The following NDUFA10 variants were observed in gnomAD, a reference collection of about 807,000 sequenced individuals.
NDUFA10 encodes NADH:ubiquinone oxidoreductase subunit A10.
In NDUFA10, 40 loss-of-function variants were observed where a neutral mutation model predicts 47.8. The observed-to-expected ratio is 0.84, with a 90% CI of 0.65 to 1.09. The LOEUF (loss-of-function observed/expected upper bound fraction) is 1.09, where lower values mean the gene tolerates loss of function less well. Among genes scored for constraint, NDUFA10 ranks in the 50% least tolerant of loss-of-function variants. The pLI is 0.00. For missense variants in NDUFA10, 413 were observed against 451.1 expected (o/e 0.92, Z 0.76); for synonymous variants, 183 against 172.2 (o/e 1.06, Z -0.49).
At chr2:239,961,952 G>A (rs7593187) in intron 9 of NDUFA10, among the ~76,000 whole-genome samples, 5,315 of 152,254 alleles carry the variant, frequency 0.035, 154 homozygotes, top group African/African-American at 0.068. Flanking sequence ...GCGGTCCACA[G>A]AGGCCAACCT....
chr2:239,922,872 C>T (rs916147446), intron 4 of NDUFA10, among the ~76,000 whole-genome samples: 9 of 152,118 alleles, frequency 5.9e-5, no homozygotes, highest in African/African-American at 2.2e-4. Flanking sequence ...CACACCTTTG[C>T]GAAGTAGAAA....
intron 4 of NDUFA10, among the ~76,000 whole-genome samples, chr2:239,895,741 C>T (rs962067806): frequency 2.6e-5 from 4 of 152,222 alleles, no homozygotes; most frequent in African/African-American, 9.6e-5. Context: ...TATTTTGTAG[C>T]TCACATATGT....
intron 8 of NDUFA10, among the ~76,000 whole-genome samples, chr2:239,996,040 C>T (rs12328143): frequency 0.13 from 19,695 of 151,872 alleles, 1,329 homozygotes; most frequent in East Asian, 0.24. Flanking sequence ...AGAGAAAATC[C>T]GTAAGGAGAC....
At chr2:239,894,045 C>G (rs147036352) in intron 5 of NDUFA10, among the ~76,000 whole-genome samples, 4 of 141,514 alleles carry the variant, frequency 2.8e-5, no homozygotes, top group Non-Finnish European at 3.1e-5. Flanking sequence ...ATCCTCAACT[C>G]CATCATCCCA....
chr2:240,025,164 T>TAC, intron 1 of NDUFA10, 63 bp downstream of exon 1: 6 of 594,914 alleles, frequency 1.0e-5, no homozygotes, highest in East Asian at 3.4e-5. Flanking sequence ...GTGGAACTGC[T>TAC]CCCCACCCCG....
At chr2:239,948,914 AGAG>A (rs1260525194) in intron 4 of NDUFA10, among the ~76,000 whole-genome samples, 2 of 152,248 alleles carry the variant, frequency 1.3e-5, no homozygotes, top group African/African-American at 4.8e-5. Context: ...GGAGTCCAGA[AGAG>A]AAGGCTCTCT....
chr2:239,932,430 C>T (rs750383937), intron 4 of NDUFA10, among the ~76,000 whole-genome samples: 7 of 152,346 alleles, frequency 4.6e-5, no homozygotes, highest in East Asian at 1.9e-4. Flanking sequence ...AACATTTCTG[C>T]GCTTTTCCAT....
At chr2:239,964,788 A>C (rs1694995162) in intron 9 of NDUFA10, among the ~76,000 whole-genome samples, 1 of 152,196 alleles carries the variant, frequency 6.6e-6, no homozygotes, top group Non-Finnish European at 1.5e-5. Flanking sequence ...TCCACATCTG[A>C]GAGGTGGTCC....
Position 239,945,218 on chromosome 2 carries a change from G to A in NDUFA10, c.294+44856C>T, listed in dbSNP as rs185346318. On this transcript the variant is annotated intron_variant, in intron 4 of 5. Coordinates refer to the NDUFA10 transcript ENST00000419408. The surrounding 1 kb of genome is among the most constrained non-coding windows in gnomAD (Gnocchi z 4.6). The stretch of plus-strand genomic sequence containing the variant: ...GCCACTTCTCAGGTCACCGGCAGGC[G>A]TTGAGCAGGCCGCTCTGCAGACGCT... Among the ~76,000 whole-genome samples, 16 of 152,314 alleles carry A rather than the reference G, an allele frequency of 1.1e-4. No individual in the cohort carries two copies. The highest frequency in any genetic ancestry group is 7.2e-4 in the Admixed American group (11 of 15,312).
At chr2:240,022,541 A>G (rs1697668791) in intron 1 of NDUFA10, among the ~76,000 whole-genome samples, 1 of 151,868 alleles carries the variant, frequency 6.6e-6, no homozygotes, top group Non-Finnish European at 1.5e-5. Context: ...AGGCAGATAT[A>G]CTGTCTGTTT....
intron 4 of NDUFA10, among the ~76,000 whole-genome samples, chr2:239,950,407 TCCA>T (rs1232244082): frequency 6.6e-6 from 1 of 152,164 alleles, no homozygotes; most frequent in African/African-American, 2.4e-5. Context: ...ACGGCTCCAG[TCCA>T]CCAAGCTGCC....
intron 8 of NDUFA10, among the ~76,000 whole-genome samples, chr2:240,002,467 T>C (rs1696766575): frequency 6.6e-6 from 1 of 152,210 alleles, no homozygotes; most frequent in African/African-American, 2.4e-5. Context: ...TACTTTTAGA[T>C]TAACACCATT....
rs987950528 is a variant in NDUFA10 at position 239,945,812 on chromosome 2, C to A, written c.294+44262G>T. Reference sequence around the variant, plus strand: ...TGCAGAGTGGACCACTCCAGACCCCCCTGAAGGCCGTCCCCAGGCTTCAAG... The same window carrying A: ...TGCAGAGTGGACCACTCCAGACCCCACTGAAGGCCGTCCCCAGGCTTCAAG... On this transcript the variant is annotated intron_variant, in intron 4 of 5. Coordinates refer to the NDUFA10 transcript ENST00000419408. The surrounding 1 kb of genome is among the most constrained non-coding windows in gnomAD (Gnocchi z 4.6). 1.3e-5 allele frequency among the ~76,000 whole-genome samples: 2 copies of A among 149,000 alleles called. No individual in the cohort carries two copies. Among genetic ancestry groups the A allele is most frequent in the African/African-American group, 5.0e-5 (2 of 40,288 alleles).
At chr2:239,940,279 TTGCCA>T (rs1349778374) in intron 4 of NDUFA10, among the ~76,000 whole-genome samples, 2 of 152,246 alleles carry the variant, frequency 1.3e-5, no homozygotes, top group African/African-American at 4.8e-5. Flanking sequence ...CCGGGCCAGT[TTGCCA>T]GCCCTGAGCT....
intron 4 of NDUFA10, among the ~76,000 whole-genome samples, chr2:239,933,470 A>C (rs1008933604): frequency 4.6e-5 from 7 of 151,728 alleles, no homozygotes; most frequent in African/African-American, 1.5e-4. Flanking sequence ...CCACTGCTGT[A>C]GGCTGGGACA....
chr2:240,005,664 A>T (rs1194083263), intron 7 of NDUFA10, among the ~76,000 whole-genome samples: 1 of 152,180 alleles, frequency 6.6e-6, no homozygotes, highest in East Asian at 1.9e-4. Flanking sequence ...GCCAAGAGGT[A>T]ACATTTTAAT....
rs1049907494 is a variant in NDUFA10, at chr2:239,987,718, G to A, written c.999+2356C>T. ...ATGCAGGCGCAGCGCCCAGGGAAGG[G>A]GTGGGCAGCCGTGGGGCGAATGCGC... On this transcript the variant is annotated intron_variant, in intron 9 of 9. Coordinates refer to ENST00000252711, the MANE Select transcript of NDUFA10 (RefSeq NM_004544.4). This position sits in a 1 kb window ranked among gnomAD's most constrained non-coding sequence, Gnocchi z 4.8. 1.3e-5 allele frequency among the ~76,000 whole-genome samples: 2 copies of A among 152,218 alleles called. No individual in the cohort carries two copies. The highest frequency in any genetic ancestry group is 2.9e-5 in the Non-Finnish European group (2 of 68,038).
intron 4 of NDUFA10, among the ~76,000 whole-genome samples, chr2:239,938,907 G>A (rs1249573040): frequency 3.3e-5 from 5 of 152,352 alleles, no homozygotes; most frequent in Middle Eastern, 3.4e-3. Flanking sequence ...GGCCCCCGCG[G>A]ACGGCTTGGT....
At chr2:239,994,294 C>G (rs1696378128) in intron 8 of NDUFA10, among the ~76,000 whole-genome samples, 1 of 151,664 alleles carries the variant, frequency 6.6e-6, no homozygotes, top group South Asian at 2.1e-4. Flanking sequence ...ATAGCCGATT[C>G]CCCTGCTCGC....
Sources: allele counts gnomAD v4.1 joint callset (sites outside exome capture counted in the v4.1 genomes callset), GRCh38; gene constraint gnomAD v4.1.1; non-coding constraint Gnocchi (gnomAD v3.1); transcripts MANE v1.5; gene names NCBI Gene and HGNC (gene_info 2026-07-23, HGNC 2026-07-21).